RNF121: variants seen among roughly 807,000 people sequenced by gnomAD.
RNF121 encodes ring finger protein 121.
A neutral mutation model predicts 46.5 loss-of-function variants in RNF121; 21 were observed. That is an observed-to-expected ratio of 0.45 (90% CI 0.32 to 0.65). The LOEUF is 0.65. Ranked by LOEUF, RNF121 falls within the 30% of genes least tolerant of loss-of-function variation. RNF121 has a pLI of 0.04. For missense variants in RNF121, 346 were observed against 416.0 expected, an observed-to-expected ratio of 0.83 and a Z score of 1.46; for synonymous variants, 139 against 144.7, an observed-to-expected ratio of 0.96 and a Z score of 0.28.
chr11:71,943,620 G>T (rs1953641171), intron 1 of RNF121, among the ~76,000 whole-genome samples: 1 of 152,218 alleles, frequency 6.6e-6, no homozygotes, highest in Non-Finnish European at 1.5e-5. Context: ...CTCTCAGGTT[G>T]CTCATGGTGT....
intron 1 of RNF121, among the ~76,000 whole-genome samples, chr11:71,940,566 C>G (rs1953543812): frequency 1.3e-5 from 2 of 152,334 alleles, no homozygotes; most frequent in Non-Finnish European, 2.9e-5. Context: ...TTGGGGCCAA[C>G]ATGAGGTTGA....
At chr11:71,975,355 C>G (rs561220314) in intron 3 of RNF121, among the ~76,000 whole-genome samples, 12 of 152,324 alleles carry the variant, frequency 7.9e-5, no homozygotes, top group Middle Eastern at 3.4e-3. Context: ...ATTTCTCACA[C>G]CTTCCTCAAA....
At chr11:71,946,178 A>G (rs1200136154) in intron 1 of RNF121, among the ~76,000 whole-genome samples, 1 of 152,230 alleles carries the variant, frequency 6.6e-6, no homozygotes, top group African/African-American at 2.4e-5. Context: ...ATTGATAGGA[A>G]CATTACTCAT....
intron 1 of RNF121, among the ~76,000 whole-genome samples, chr11:71,953,943 AT>A (rs2134168848): frequency 1.3e-5 from 2 of 152,244 alleles, no homozygotes; most frequent in South Asian, 4.1e-4. Context: ...TCTGCCTAGC[AT>A]TTATTTTTGG....
intron 5 of RNF121, 47 bp downstream of exon 5, chr11:71,987,158 A>T: frequency 1.7e-6 from 2 of 1,209,146 alleles, no homozygotes; most frequent in Non-Finnish European, 2.5e-6. Flanking sequence ...GGGAGGAGTG[A>T]CTGTTGAGAT....
intron 1 of RNF121, among the ~76,000 whole-genome samples, chr11:71,945,659 A>G (rs947932): frequency 0.89 from 135,208 of 152,230 alleles, 60,307 homozygotes; most frequent in Non-Finnish European, 0.94. Context: ...TGAAATACAA[A>G]GAAGAATACG....
chr11:71,984,739 C>T (rs1193508136), intron 4 of RNF121, among the ~76,000 whole-genome samples: 13 of 142,226 alleles, frequency 9.1e-5, no homozygotes, highest in South Asian at 2.3e-4. Context: ...CCGCCACACC[C>T]GGCTAATTTT....
chr11:71,943,418 T>C (rs1953635254), intron 1 of RNF121, among the ~76,000 whole-genome samples: 1 of 152,248 alleles, frequency 6.6e-6, no homozygotes, highest in Non-Finnish European at 1.5e-5. Context: ...TTATCCTAGC[T>C]CTGCCATGCA....
intron 2 of RNF121, among the ~76,000 whole-genome samples, chr11:71,957,712 A>G (rs185233155): frequency 2.3e-4 from 35 of 152,300 alleles, no homozygotes; most frequent in Admixed American, 1.8e-3. Context: ...ATTATTATCC[A>G]TGATACAGGA....
intron 1 of RNF121, 100 bp downstream of exon 1, chr11:71,929,224 C>A (rs1360887856): frequency 1.4e-6 from 2 of 1,470,462 alleles, no homozygotes; most frequent in South Asian, 2.7e-5. Context: ...AGGGAAAGAT[C>A]CTGAGAGGGA....
intron 1 of RNF121, among the ~76,000 whole-genome samples, chr11:71,938,060 C>A (rs1411955391): frequency 6.6e-6 from 1 of 152,162 alleles, no homozygotes; most frequent in African/African-American, 2.4e-5. Context: ...AGAGCACAAT[C>A]CCTGCCAAGG....
intron 3 of RNF121, among the ~76,000 whole-genome samples, chr11:71,974,666 G>T (rs1234264004): frequency 2.7e-5 from 1 of 37,420 alleles, no homozygotes; most frequent in African/African-American, 5.2e-5. Context: ...GTCAATTTCT[G>T]CCATAGTCAG....
intron 1 of RNF121, among the ~76,000 whole-genome samples, chr11:71,952,117 G>C (rs546176397): frequency 6.6e-6 from 1 of 152,160 alleles, no homozygotes; most frequent in Non-Finnish European, 1.5e-5. Context: ...GTATTTATAC[G>C]ATGGAATATT....
chr11:71,943,610 C>T (rs771441227), intron 1 of RNF121, among the ~76,000 whole-genome samples: 1 of 152,212 alleles, frequency 6.6e-6, no homozygotes, highest in Non-Finnish European at 1.5e-5. Flanking sequence ...ATAGGCCTTG[C>T]TCTCAGGTTG....
chr11:71,952,867 A>G (rs914051286), intron 1 of RNF121, among the ~76,000 whole-genome samples: 1 of 152,222 alleles, frequency 6.6e-6, no homozygotes, highest in Non-Finnish European at 1.5e-5. Context: ...TAACTTATCG[A>G]TCACCTCAAA....
chr11:71,983,000 A>C (rs2134206773), intron 4 of RNF121, 85 bp downstream of exon 4: 4 of 1,340,506 alleles, frequency 3.0e-6, no homozygotes, highest in Non-Finnish European at 3.9e-6. Flanking sequence ...TTTAGACTGA[A>C]AAAATTCCTG....
At chr11:71,944,307 T>A (rs922169282) in intron 1 of RNF121, among the ~76,000 whole-genome samples, 7 of 152,120 alleles carry the variant, frequency 4.6e-5, no homozygotes, top group Non-Finnish European at 7.4e-5. Flanking sequence ...CACTCCTGCC[T>A]GGGCAACAGA....
At chr11:71,929,233 G>C in intron 1 of RNF121, 109 bp downstream of exon 1, 1 of 1,461,780 alleles carries the variant, frequency 6.8e-7, no homozygotes, top group Non-Finnish European at 9.1e-7. Context: ...TCCTGAGAGG[G>C]AAGGAGCTGA....
At chr11:71,984,760 T>TTTTC (rs1463548500) in intron 4 of RNF121, among the ~76,000 whole-genome samples, 3 of 146,416 alleles carry the variant, frequency 2.0e-5, no homozygotes, top group African/African-American at 7.6e-5. Flanking sequence ...TTTTTTTTTT[T>TTTTC]TTTTTTTTTT....
Sources: gnomAD v4.1 joint callset for allele counts (sites outside exome capture counted in the v4.1 genomes callset) on GRCh38, gnomAD v4.1.1 for gene constraint, MANE v1.5 for transcripts, NCBI Gene and HGNC (gene_info 2026-07-23, HGNC 2026-07-21) for gene names.